Variants in DCAF8L2 observed in about 807,000 individuals in gnomAD.
DCAF8L2 encodes DDB1 and CUL4 associated factor 8 like 2.
For synonymous variants in DCAF8L2, 200 were observed against 190.9 expected (o/e 1.05, Z -0.39); for missense variants, 430 against 490.7 (o/e 0.88, Z 1.17).
chrX:27,519,630 T>C, the DCAF8L2 span: 3 of 627,540 alleles, frequency 4.8e-6, no homozygotes, highest in Admixed American at 2.2e-5. Flanking sequence ...CTGAGGCTAG[T>C]GCTGAATTAT....
chrX:27,747,516 G>A lies in DCAF8L2; in HGVS notation c.621G>A (p.Glu207=). Residue 207 remains glutamate, a synonymous_variant, in exon 5 of 5, where the codon GAG becomes GAA. Coordinates refer to ENST00000451261, the MANE Select transcript of DCAF8L2 (RefSeq NM_001353450.2). ...QLGSRPRFVY[E]ACGARAFVQR... is the part of the protein sequence containing the mutation. ...GTTCACGTCCCCGCTTTGTATATGA[G>A]GCCTGTGGGGCAAGAGCCTTTGTGC... 8.5e-7 allele frequency: 1 copy of A among 1,179,038 alleles called. No individual in the cohort carries two copies. Among genetic ancestry groups the A allele is most frequent in the African/African-American group, 1.8e-5 (1 of 56,807 alleles).
At chrX:27,517,811 C>G in the DCAF8L2 span, 1 of 1,106,866 alleles carries the variant, frequency 9.0e-7, no homozygotes, top group African/African-American at 1.8e-5. Flanking sequence ...ATTGCCTTGT[C>G]GAATCTGTCG....
the DCAF8L2 span, among the ~76,000 whole-genome samples, chrX:27,533,127 G>GGA: frequency 0.036 from 1,030 of 28,734 alleles, 255 homozygotes; most frequent in Non-Finnish European, 0.061. Flanking sequence ...GAAGGGAAAG[G>GGA]AAGGAAGGAA....
At chrX:27,487,031 G>C in the DCAF8L2 span, among the ~76,000 whole-genome samples, 19 of 110,553 alleles carry the variant, frequency 1.7e-4, no homozygotes, top group Non-Finnish European at 2.3e-4. Context: ...CAGTAGGGTT[G>C]AATCTTTAGT....
intron 3 of DCAF8L2, among the ~76,000 whole-genome samples, chrX:27,693,513 TTTA>T (rs1930784534): frequency 9.0e-6 from 1 of 111,517 alleles, no homozygotes; most frequent in Non-Finnish European, 1.9e-5. Context: ...TTTTCCTTCA[TTTA>T]TTATGTTCCT....
chrX:27,521,603 T>C, the DCAF8L2 span, among the ~76,000 whole-genome samples: 4 of 112,130 alleles, frequency 3.6e-5, no homozygotes, highest in Non-Finnish European at 7.5e-5. Context: ...TTTTGTGGAG[T>C]TTTATAAATA....
the DCAF8L2 span, among the ~76,000 whole-genome samples, chrX:27,472,962 T>C: frequency 1.8e-5 from 2 of 112,182 alleles, no homozygotes; most frequent in Non-Finnish European, 3.8e-5. Context: ...ACCCTTTCGC[T>C]TTTTGCAACA....
At position 27,742,600 on chromosome X, in the gene DCAF8L2, A is replaced by C. The variant is rs111791798; in HGVS notation, c.-58-4238A>C. Among the ~76,000 whole-genome samples, 503 of 109,376 alleles carry C rather than the reference A, an allele frequency of 4.6e-3. 1 individual carries two copies. Among genetic ancestry groups the C allele is most frequent in the Middle Eastern group, 9.5e-3 (2 of 210 alleles). The allele number at this position is 109,376 out of a possible 115,157, so 95.0% of individuals were successfully genotyped here. On this transcript the variant is annotated intron_variant, in intron 4 of 4. Coordinates refer to ENST00000451261, the MANE Select transcript of DCAF8L2 (RefSeq NM_001353450.2). ...AAAAACAAAAACAAAAACAAACAAA[A>C]AAAAAAAACCAAGAGAAAGAAAAAG...
At chrX:27,698,622 A>C (rs1452308024) in intron 3 of DCAF8L2, among the ~76,000 whole-genome samples, 2 of 112,152 alleles carry the variant, frequency 1.8e-5, no homozygotes, top group African/African-American at 6.5e-5. Flanking sequence ...TAGACTATCT[A>C]CTTTAAACTT....
the DCAF8L2 span, among the ~76,000 whole-genome samples, chrX:27,583,764 C>T: frequency 2.7e-5 from 3 of 111,530 alleles, no homozygotes; most frequent in East Asian, 8.5e-4. Context: ...GAATGTAATG[C>T]CTTCCCAATC....
intron 3 of DCAF8L2, among the ~76,000 whole-genome samples, chrX:27,687,290 C>T (rs906986033): frequency 8.9e-6 from 1 of 111,952 alleles, no homozygotes; most frequent in Non-Finnish European, 1.9e-5. Flanking sequence ...TTCTGGATCA[C>T]ATTGTTATTT....
At chrX:27,615,287 T>G (rs1023943837) in intron 1 of DCAF8L2, among the ~76,000 whole-genome samples, 11 of 111,826 alleles carry the variant, frequency 9.8e-5, no homozygotes, top group African/African-American at 3.6e-4. Flanking sequence ...AACTAAAAAG[T>G]CACACTTCTT....
intron 2 of DCAF8L2, among the ~76,000 whole-genome samples, chrX:27,654,578 G>A (rs1249315060): frequency 2.7e-5 from 3 of 111,748 alleles, no homozygotes; most frequent in African/African-American, 6.5e-5. Context: ...TTATTTCTTC[G>A]TGGAAACAAG....
At chrX:27,587,985 A>AAAAAAAAAAAATATATATATATATAT, upstream of DCAF8L2, among the ~76,000 whole-genome samples, 4 of 22,344 alleles carry the variant, frequency 1.8e-4, no homozygotes, top group African/African-American at 3.9e-4. Flanking sequence ...TAAAAAAAAA[A>AAAAAAAAAAAATATATATATATATAT]ATATATATAT....
chrX:27,686,710 T>C (rs1279610809), intron 3 of DCAF8L2, among the ~76,000 whole-genome samples: 1 of 111,881 alleles, frequency 8.9e-6, no homozygotes, highest in Non-Finnish European at 1.9e-5. Flanking sequence ...TTTCCACATA[T>C]CTAGAAGAAA....
At chrX:27,566,336 CCTAA>C in the DCAF8L2 span, among the ~76,000 whole-genome samples, 6 of 111,477 alleles carry the variant, frequency 5.4e-5, no homozygotes, top group South Asian at 3.7e-4. Context: ...TAACTATCTG[CCTAA>C]CTGTTTCCTT....
chrX:27,500,323 C>A, the DCAF8L2 span, among the ~76,000 whole-genome samples: 3 of 111,032 alleles, frequency 2.7e-5, no homozygotes, highest in Admixed American at 9.7e-5. Flanking sequence ...ATCAATATAC[C>A]AATTGGTAAA....
the DCAF8L2 span, among the ~76,000 whole-genome samples, chrX:27,485,663 T>G: frequency 5.7e-4 from 64 of 111,531 alleles, no homozygotes; most frequent in African/African-American, 1.7e-3. Context: ...TAGCTTAATC[T>G]TTCTACACGA....
chrX:27,592,179 G>A (rs1926122766), intron 1 of DCAF8L2, among the ~76,000 whole-genome samples: 3 of 112,031 alleles, frequency 2.7e-5, no homozygotes, highest in South Asian at 3.7e-4. Context: ...TGAGGTGCGT[G>A]GGGCAGGATG....
Sources: gnomAD v4.1 joint callset for allele counts (sites outside exome capture counted in the v4.1 genomes callset) on GRCh38, gnomAD v4.1.1 for gene constraint, MANE v1.5 for transcripts, NCBI Gene and HGNC (gene_info 2026-07-23, HGNC 2026-07-21) for gene names.